Variants in PZP observed in about 807,000 individuals in gnomAD.
PZP encodes the protein pregnancy zone protein.
A neutral mutation model predicts 179.8 loss-of-function variants in PZP; 150 were observed. The observed-to-expected ratio is 0.83, with a 90% CI of 0.73 to 0.96. The LOEUF (loss-of-function observed/expected upper bound fraction) is 0.96, where lower values mean the gene tolerates loss of function less well. Ranked by LOEUF, PZP falls within the 40% of genes least tolerant of loss-of-function variation. The pLI is 0.00. For missense variants in PZP, 1,689 were observed against 1,764.0 expected (o/e 0.96, Z 0.76); for synonymous variants, 624 against 652.3 (o/e 0.96, Z 0.66).
In PZP at chr12:9,164,275, A is replaced by G. The variant is rs746130500; in HGVS notation, c.2488-16T>C. The G allele has an allele frequency of 3.1e-6, 5 of 1,610,238 alleles. No individual in the cohort carries two copies. The African/African-American group carries it at 6.7e-5, about 22-fold the overall frequency. On this transcript the variant is annotated splice_polypyrimidine_tract_variant and intron_variant, in intron 19 of 35. Coordinates refer to ENST00000261336, the MANE Select transcript of PZP (RefSeq NM_002864.3). ...GCACACTGACCTATCACCCCATGTG[A>G]GGCAGAGACAGAAATGATCAGAATA...
At chr12:9,149,448 C>A (rs764326523) in intron 35 of PZP, 113 bp downstream of exon 35, 2 of 1,050,114 alleles carry the variant, frequency 1.9e-6, no homozygotes, top group Admixed American at 4.7e-5. Flanking sequence ...TGAGGACATG[C>A]CATGTGGATT....
the PZP span, among the ~76,000 whole-genome samples, chr12:9,137,783 G>A: frequency 6.6e-6 from 1 of 151,842 alleles, no homozygotes; most frequent in Non-Finnish European, 1.5e-5. Context: ...TTGTGCTATT[G>A]TAAATGGGAT....
At position 9,203,799 on chromosome 12, in the gene PZP, T is replaced by C; in HGVS notation, c.236A>G (p.Glu79Gly). Residue 79 changes from glutamate (E) to glycine (G), a missense_variant, in exon 2 of 36, where the codon GAG (glutamate) becomes GGG (glycine). Around this residue, in one of 3 missense-constraint regions of PZP, gnomAD observed 742 missense variants for 730.5 expected, o/e 1.02. Coordinates refer to ENST00000261336, the MANE Select transcript of PZP (RefSeq NM_002864.3). ...NRSLFTDLVAEKDLFHCVSFT... is the reference protein window; with the variant it reads ...NRSLFTDLVAGKDLFHCVSFT... ...GGAGACACAGTGGAATAAGTCCTTCTCCGCCACCAGGTCAGTGAAGAGGCT... is the reference window on the plus strand; with the variant it reads ...GGAGACACAGTGGAATAAGTCCTTCCCCGCCACCAGGTCAGTGAAGAGGCT... The C allele has an allele frequency of 6.2e-7, 1 of 1,614,088 alleles. No homozygotes were observed. Among genetic ancestry groups the C allele is most frequent in the Non-Finnish European group, 8.5e-7 (1 of 1,180,018 alleles).
chr12:9,160,553 A>C (rs2120658400), intron 23 of PZP, 63 bp from the exon 24 acceptor site: 1 of 1,467,006 alleles, frequency 6.8e-7, no homozygotes, highest in Non-Finnish European at 9.3e-7. Context: ...AACATTATTA[A>C]CAAAAATGGC....
chr12:9,181,245 T>C, intron 14 of PZP, 113 bp from the exon 15 acceptor site: 1 of 1,344,202 alleles, frequency 7.4e-7, no homozygotes, highest in South Asian at 1.4e-5. Flanking sequence ...ATGTTGGTAA[T>C]GTCAGTCAGA....
At chr12:9,159,526 C>G (rs1941015245) in intron 25 of PZP, among the ~76,000 whole-genome samples, 1 of 151,896 alleles carries the variant, frequency 6.6e-6, no homozygotes, top group Non-Finnish European at 1.5e-5. Context: ...GGGTTCTGCT[C>G]TCATGAATGG....
intron 34 of PZP, 24 bp downstream of exon 34, chr12:9,150,620 T>C (rs775501376): frequency 1.4e-6 from 2 of 1,476,562 alleles, no homozygotes; most frequent in Non-Finnish European, 9.4e-7. Context: ...CTGGTTAAGA[T>C]TGTTTCATTT....
At chr12:9,204,835 C>G (rs1944368792) in intron 1 of PZP, among the ~76,000 whole-genome samples, 1 of 151,964 alleles carries the variant, frequency 6.6e-6, no homozygotes. Context: ...GTGGCTTATA[C>G]CTAGTTCCCG....
At position 9,169,546 on chromosome 12, in the gene PZP, T is replaced by C; in HGVS notation, c.1885A>G (p.Asn629Asp). 6.2e-7 allele frequency: 1 copy of C among 1,613,084 alleles called. No homozygotes were observed. Among genetic ancestry groups the C allele is most frequent in the African/African-American group, 1.3e-5 (1 of 74,952 alleles). Residue 629 changes from asparagine to aspartate, a missense_variant, in exon 16 of 36, where the codon AAT becomes GAT. Asn to Asp is a conservative substitution (Grantham distance 23). This residue lies in a region of PZP where 201 missense variants were observed against 284.2 expected (regional missense o/e 0.71). Transcript: ENST00000261336. The stretch of plus-strand genomic sequence containing the variant: ...TGTTCTTCCTCCTGCTGGTCCACAT[T>C]GTCAGGAAAATTGGTGAGATCCTTC... The part of the protein sequence containing the change: ...TVKDLTNFPD[N>D]VDQQEEEQGH...
At chr12:9,179,459 A>G (rs1366088386) in intron 15 of PZP, among the ~76,000 whole-genome samples, 1 of 152,358 alleles carries the variant, frequency 6.6e-6, no homozygotes, top group East Asian at 1.9e-4. Flanking sequence ...ATGAATTAAT[A>G]TAACTATAGT....
At chr12:9,206,759 T>C (rs1254014906) in intron 1 of PZP, among the ~76,000 whole-genome samples, 1 of 152,074 alleles carries the variant, frequency 6.6e-6, no homozygotes, top group Admixed American at 6.6e-5. Context: ...AACTAGGGCA[T>C]GAGGCTTGTT....
chr12:9,181,261 A>G (rs781765414), intron 14 of PZP, 129 bp from the exon 15 acceptor site: 5 of 1,190,870 alleles, frequency 4.2e-6, no homozygotes, highest in Admixed American at 2.8e-5. Flanking sequence ...TCAGAAACCT[A>G]TTTTTACAAC....
chr12:9,178,215 C>G (rs1942519263), intron 15 of PZP, among the ~76,000 whole-genome samples: 1 of 152,150 alleles, frequency 6.6e-6, no homozygotes, highest in Admixed American at 6.6e-5. Context: ...ATAAACAATT[C>G]ATACGTTTTA....
Position 9,168,866 on chromosome 12 carries a change from T to A in PZP, c.2107+3A>T. 1 of 1,605,494 alleles carries A rather than the reference T, an allele frequency of 6.2e-7. No homozygotes were observed. The highest frequency in any genetic ancestry group is 1.1e-5 in the South Asian group (1 of 90,124). On this transcript the variant is annotated splice_donor_region_variant and intron_variant, in intron 17 of 35. Transcript: ENST00000261336. ...TAAAATTAAAAGCAAATTGCTGTTT[T>A]ACCTCCATAGTATCCTTGACCTACT...
intron 22 of PZP, 42 bp from the exon 23 acceptor site, chr12:9,161,158 A>T (rs1397370022): frequency 2.1e-6 from 3 of 1,439,900 alleles, no homozygotes; most frequent in Non-Finnish European, 2.9e-6. Flanking sequence ...GACATCTATG[A>T]TTACAATATA....
At chr12:9,201,479 T>C in intron 4 of PZP, 132 bp from the exon 5 acceptor site, 1 of 649,880 alleles carries the variant, frequency 1.5e-6, no homozygotes. Flanking sequence ...ATAACAGAAC[T>C]GGAAAAATCT....
chr12:9,198,338 T>G (rs2121182951), intron 7 of PZP, among the ~76,000 whole-genome samples: 2 of 152,190 alleles, frequency 1.3e-5, no homozygotes, highest in African/African-American at 4.8e-5. Context: ...GGTGAGAGAC[T>G]CTGTCTACTA....
At chr12:9,155,684 G>A (rs1447062503) in intron 28 of PZP, among the ~76,000 whole-genome samples, 1 of 152,088 alleles carries the variant, frequency 6.6e-6, no homozygotes, top group Non-Finnish European at 1.5e-5. Context: ...GAGTTTGAAT[G>A]CATTTTGTTT....
At chr12:9,208,029 C>T (rs1013474984) in intron 1 of PZP, among the ~76,000 whole-genome samples, 6 of 152,090 alleles carry the variant, frequency 3.9e-5, no homozygotes, top group African/African-American at 9.7e-5. Flanking sequence ...TTTAATCATG[C>T]TTCCTAGTGA....
Sources: gnomAD v4.1 joint callset for allele counts (sites outside exome capture counted in the v4.1 genomes callset) on GRCh38, gnomAD v4.1.1 for gene constraint, gnomAD v4.1.1 regional missense constraint, MANE v1.5 for transcripts, NCBI Gene and HGNC (gene_info 2026-07-23, HGNC 2026-07-21) for gene names.